Variants in SLMAP observed in about 807,000 individuals in gnomAD.
The protein encoded by SLMAP is sarcolemma associated protein.
In SLMAP, 44 loss-of-function variants were observed where a neutral mutation model predicts 128.8. That is an observed-to-expected ratio of 0.34 (90% CI 0.27 to 0.44). The LOEUF is 0.44. Among genes scored for constraint, SLMAP ranks in the 20% least tolerant of loss-of-function variants. SLMAP has a pLI of 1.00. For missense variants in SLMAP, 787 were observed against 985.3 expected (o/e 0.80, Z 2.69); for synonymous variants, 327 against 348.8 (o/e 0.94, Z 0.70).
intron 2 of SLMAP, among the ~76,000 whole-genome samples, chr3:57,766,095 T>C (rs1259178316): frequency 6.7e-6 from 1 of 149,580 alleles, no homozygotes; most frequent in Admixed American, 6.7e-5. Flanking sequence ...GCCTCCCGGG[T>C]TCACGCCATT....
rs1401811871 is a variant in SLMAP at position 57,883,936 on chromosome 3, TC to T, written c.1301-6104del. Among the ~76,000 whole-genome samples the T allele has an allele frequency of 1.1e-4, 15 of 130,836 alleles. 1 individual carries two copies. The East Asian group carries it at 4.4e-3, about 38-fold the overall frequency. The allele number at this position is 130,836 out of a possible 152,430, so 85.8% of individuals were successfully genotyped here. On this transcript the variant is annotated intron_variant, in intron 14 of 24. Coordinates refer to ENST00000671191, the MANE Select transcript of SLMAP (RefSeq NM_001377540.1). ...TTTTCTTCTTCTTTTTTCTTTTCTT[TC>T]TTTTTTTTTTTTTTTTGAGACAGGA...
intron 10 of SLMAP, 57 bp downstream of exon 10, chr3:57,862,143 T>G (rs891147662): frequency 7.9e-6 from 11 of 1,386,496 alleles, no homozygotes; most frequent in Middle Eastern, 5.0e-4. Flanking sequence ...ACACACTAGA[T>G]AGCTTAAGAT....
At chr3:57,838,438 C>G (rs779672527) in intron 3 of SLMAP, among the ~76,000 whole-genome samples, 1 of 152,150 alleles carries the variant, frequency 6.6e-6, no homozygotes, top group East Asian at 1.9e-4. Flanking sequence ...AAATACTAAG[C>G]AGGCATGTTC....
chr3:57,823,159 C>T (rs888856914), intron 2 of SLMAP, among the ~76,000 whole-genome samples: 8 of 152,132 alleles, frequency 5.3e-5, no homozygotes, highest in African/African-American at 1.9e-4. Context: ...GAAATGCGGA[C>T]ATTGGACTTA....
At chr3:57,855,101 GA>G (rs1273030574) in intron 6 of SLMAP, among the ~76,000 whole-genome samples, 1 of 152,142 alleles carries the variant, frequency 6.6e-6, no homozygotes, top group Non-Finnish European at 1.5e-5. Flanking sequence ...ATAAAAGATA[GA>G]AAAAGGCTGG....
At chr3:57,858,701 G>C (rs2094903532) in intron 8 of SLMAP, among the ~76,000 whole-genome samples, 1 of 152,170 alleles carries the variant, frequency 6.6e-6, no homozygotes, top group South Asian at 2.1e-4. Flanking sequence ...CCAGCACTTT[G>C]GGAGGATGAG....
At chr3:57,812,319 T>A (rs2091129077) in intron 2 of SLMAP, among the ~76,000 whole-genome samples, 1 of 152,232 alleles carries the variant, frequency 6.6e-6, no homozygotes, top group South Asian at 2.1e-4. Flanking sequence ...CACCATTTGT[T>A]GAAAAGACTA....
intron 2 of SLMAP, among the ~76,000 whole-genome samples, chr3:57,773,996 GA>G (rs1218958565): frequency 6.6e-6 from 1 of 152,090 alleles, no homozygotes; most frequent in African/African-American, 2.4e-5. Flanking sequence ...ATAAAACAAT[GA>G]AAGAAGTTAA....
intron 2 of SLMAP, among the ~76,000 whole-genome samples, chr3:57,803,102 C>T (rs115079411): frequency 6.6e-6 from 1 of 152,116 alleles, no homozygotes; most frequent in African/African-American, 2.4e-5. Context: ...CTACTACAGT[C>T]TAAAACCAAG....
At chr3:57,883,854 G>A (rs2095809023) in intron 14 of SLMAP, among the ~76,000 whole-genome samples, 1 of 151,966 alleles carries the variant, frequency 6.6e-6, no homozygotes, top group Admixed American at 6.6e-5. Flanking sequence ...GGAATGCATG[G>A]TTGCTAAAAA....
At chr3:57,868,795 AAT>A (rs3037511) in intron 13 of SLMAP, among the ~76,000 whole-genome samples, 137 of 124,660 alleles carry the variant, frequency 1.1e-3, no homozygotes, top group African/African-American at 3.2e-3. Flanking sequence ...GAACTAATGG[AAT>A]ATATATATAT....
intron 8 of SLMAP, among the ~76,000 whole-genome samples, chr3:57,858,420 A>C (rs1466906363): frequency 6.6e-6 from 1 of 152,174 alleles, no homozygotes; most frequent in Admixed American, 6.5e-5. Context: ...AATTTCCCTC[A>C]GTCTGCATTG....
At position 57,831,487 on chromosome 3, in the gene SLMAP, C is replaced by T. The variant is rs1177568143; in HGVS notation, c.303C>T (p.Asp101=). The change falls in exon 3 of 25, where the codon GAC becomes GAT. Residue 101 remains aspartate (D), a synonymous_variant. Coordinates refer to ENST00000671191, the MANE Select transcript of SLMAP (RefSeq NM_001377540.1). ...ESPPCEILSG[D]IIQFGVDVTE... ...CACCATGTGAAATTCTTTCCGGTGACATTATCCAGTTTGGAGTAGACGTGA... is the reference window on the plus strand; with the variant it reads ...CACCATGTGAAATTCTTTCCGGTGATATTATCCAGTTTGGAGTAGACGTGA... 1 of 1,593,032 alleles carries T rather than the reference C, an allele frequency of 6.3e-7. No homozygotes were observed. The highest frequency in any genetic ancestry group is 1.4e-5 in the African/African-American group (1 of 73,956).
intron 2 of SLMAP, among the ~76,000 whole-genome samples, chr3:57,769,835 G>A (rs1045010953): frequency 7.2e-5 from 11 of 152,156 alleles, no homozygotes; most frequent in African/African-American, 1.4e-4. Context: ...TAGATAGTAC[G>A]TTTCCAATCT....
intron 2 of SLMAP, among the ~76,000 whole-genome samples, chr3:57,783,782 C>T (rs971727139): frequency 6.6e-6 from 1 of 152,140 alleles, no homozygotes; most frequent in Non-Finnish European, 1.5e-5. Flanking sequence ...CAAGGCTATC[C>T]CTGTCATCAC....
chr3:57,800,121 TC>T (rs2087853890), intron 2 of SLMAP: 1 of 152,230 alleles, frequency 6.6e-6, no homozygotes, highest in Non-Finnish European at 1.5e-5. Flanking sequence ...GCCTAATTCT[TC>T]CAAAGGTAGT....
chr3:57,847,263 C>T, intron 5 of SLMAP, 30 bp downstream of exon 5: 1 of 1,555,168 alleles, frequency 6.4e-7, no homozygotes, highest in Non-Finnish European at 8.9e-7. Context: ...TTTTTCCAAA[C>T]TGACTCAGCT....
chr3:57,919,153 G>T (rs546071722), intron 22 of SLMAP, among the ~76,000 whole-genome samples: 1 of 152,256 alleles, frequency 6.6e-6, no homozygotes, highest in South Asian at 2.1e-4. Flanking sequence ...GGCCAAGGCG[G>T]GCAGCTCACC....
intron 17 of SLMAP, chr3:57,901,720 A>G (rs749645956): frequency 1.3e-5 from 2 of 152,278 alleles, no homozygotes; most frequent in African/African-American, 4.8e-5. Flanking sequence ...GGGAAATCCT[A>G]TAAATTAAAA....
Sources: gnomAD v4.1 joint callset for allele counts (sites outside exome capture counted in the v4.1 genomes callset) on GRCh38, gnomAD v4.1.1 for gene constraint, MANE v1.5 for transcripts, NCBI Gene and HGNC (gene_info 2026-07-23, HGNC 2026-07-21) for gene names.